WHAMM: variants seen among roughly 807,000 people sequenced by gnomAD.
WHAMM encodes WASP homolog associated with actin, golgi membranes and microtubules.
Under a neutral mutation model 76.5 loss-of-function variants are expected in WHAMM, and 67 were observed. The ratio of observed to expected loss-of-function variants is 0.88; its 90% CI spans 0.72 to 1.07. WHAMM has a LOEUF of 1.07. Ranked by LOEUF, WHAMM falls within the 50% of genes least tolerant of loss-of-function variation. The pLI, the probability that WHAMM is intolerant of heterozygous loss-of-function variation, is 0.00. For missense variants in WHAMM, 1,021 were observed against 1,051.1 expected (o/e 0.97, Z 0.40); for synonymous variants, 419 against 422.1 (o/e 0.99, Z 0.09).
intron 1 of WHAMM, among the ~76,000 whole-genome samples, chr15:82,812,635 C>T (rs768960793): frequency 6.6e-6 from 1 of 152,196 alleles, no homozygotes; most frequent in Admixed American, 6.5e-5. Flanking sequence ...CCTTTCGCTG[C>T]ATACTTAGTG....
rs2050590615 is a variant in WHAMM, at chr15:82,809,686, C to T, written c.-41C>T. 5 of 1,342,662 alleles carry T rather than the reference C, an allele frequency of 3.7e-6. No individual in the cohort carries two copies. The African/African-American group carries it at 4.6e-5, about 12-fold the overall frequency. 83.2% of individuals were successfully genotyped at this position (1,342,662 alleles called of 1,614,324 possible). Reference sequence around the variant, plus strand: ...TGACAGGCGGTGCGAGGAGGCCAGGCCCGCGCCCGCCGAGCCCTAGGGCCG... The same window carrying T: ...TGACAGGCGGTGCGAGGAGGCCAGGTCCGCGCCCGCCGAGCCCTAGGGCCG... On this transcript the variant is annotated 5_prime_UTR_variant, in exon 1 of 10. Transcript: ENST00000286760.
chr15:82,823,049 A>AT, intron 5 of WHAMM, 51 bp from the exon 6 acceptor site: 3 of 1,266,654 alleles, frequency 2.4e-6, no homozygotes, highest in Non-Finnish European at 3.0e-6. Flanking sequence ...AATTCAATGC[A>AT]TTTTTTAAAA....
At chr15:82,831,975 T>C (rs2151574879) in intron 9 of WHAMM, among the ~76,000 whole-genome samples, 1 of 152,382 alleles carries the variant, frequency 6.6e-6, no homozygotes, top group South Asian at 2.1e-4. Flanking sequence ...AGAGCTTCAC[T>C]GTACCTAGAA....
chr15:82,834,222 G>C lies in WHAMM; in HGVS notation c.*686G>C, dbSNP rs954052686. On this transcript the variant is annotated 3_prime_UTR_variant, in exon 10 of 10. Coordinates refer to ENST00000286760, the MANE Select transcript of WHAMM (RefSeq NM_001080435.3). ...TGGCTAATTTTTGTATATTTAAGTA[G>C]AGACAAGGTTTCGCTATGTTGGCCA... 6.6e-6 allele frequency: 1 copy of C among 152,364 alleles called. No individual in the cohort carries two copies. Among genetic ancestry groups the C allele is most frequent in the African/African-American group, 2.4e-5 (1 of 41,434 alleles). 9.4% of individuals were successfully genotyped at this position (152,364 alleles called of 1,614,324 possible). A position where few individuals can be genotyped will look rare whatever the true frequency, so the allele number is the denominator to read the frequency against.
chr15:82,810,038 C>CT lies in WHAMM; in HGVS notation c.314dup (p.Arg107AlafsTer67). 1 of 1,223,614 alleles carries CT rather than the reference C, an allele frequency of 8.2e-7. No individual in the cohort carries two copies. Among genetic ancestry groups the CT allele is most frequent in the Non-Finnish European group, 1.0e-6 (1 of 985,886 alleles). The allele number at this position is 1,223,614 out of a possible 1,614,324, so 75.8% of individuals were successfully genotyped here. ...CGCTGTGGCCGCCTCTGGAGCGCTGCTTCCCGCGGCTGCCGCCGGAGCTGG... is the reference window on the plus strand; with the variant it reads ...CGCTGTGGCCGCCTCTGGAGCGCTGCTTTCCCGCGGCTGCCGCCGGAGCTGG... On this transcript the variant is annotated frameshift_variant, in exon 1 of 10. Transcript: ENST00000286760. LOFTEE classifies it high-confidence loss of function.
chr15:82,809,945 C>T lies in WHAMM; in HGVS notation c.219C>T (p.Val73=). ...PEPEPKPEAA[V]SPSSWAGLLS... ...CCGAGCCCAAGCCTGAGGCCGCCGT[C>T]TCCCCGTCCAGCTGGGCCGGCCTGC... The change falls in exon 1 of 10, where the codon GTC becomes GTT. Residue 73 remains valine, a synonymous_variant. Coordinates refer to ENST00000286760, the MANE Select transcript of WHAMM (RefSeq NM_001080435.3). 5 of 1,415,278 alleles carry T rather than the reference C, an allele frequency of 3.5e-6. No homozygotes were observed. The highest frequency in any genetic ancestry group is 1.5e-5 in the African/African-American group (1 of 67,900). The allele number at this position is 1,415,278 out of a possible 1,614,324, so 87.7% of individuals were successfully genotyped here. A position where few individuals can be genotyped will look rare whatever the true frequency, so the allele number is the denominator to read the frequency against.
At chr15:82,822,593 G>A (rs1217347744) in intron 5 of WHAMM, among the ~76,000 whole-genome samples, 2 of 152,110 alleles carry the variant, frequency 1.3e-5, no homozygotes, top group Non-Finnish European at 2.9e-5. Flanking sequence ...ATGCGCCACT[G>A]TGCCTAACTA....
intron 1 of WHAMM, 145 bp from the exon 2 acceptor site, chr15:82,812,955 GGAT>G (rs2050655003): frequency 8.5e-6 from 5 of 586,870 alleles, no homozygotes; most frequent in East Asian, 6.4e-5. Context: ...TTTTGATGGA[GGAT>G]GATAACATTT....
intron 2 of WHAMM, 68 bp downstream of exon 2, chr15:82,813,344 C>T: frequency 7.9e-7 from 1 of 1,271,236 alleles, no homozygotes; most frequent in Non-Finnish European, 1.1e-6. Context: ...TTTATTTACA[C>T]TTAATGTTCA....
rs2050606478 is a variant in WHAMM, at chr15:82,810,338, A to AAGCGAGGCCCGGTC, written c.609+4_609+17dup. On this transcript the variant is annotated splice_donor_region_variant and intron_variant, in intron 1 of 9. Coordinates refer to ENST00000286760, the MANE Select transcript of WHAMM (RefSeq NM_001080435.3). ...AGGCGGACGCGCGGCTGCGCCAGGT[A>AAGCGAGGCCCGGTC]AGCGAGGCCCGGTCGCCGGCGTTCG... is the stretch of plus-strand genomic sequence containing the variant. 1 of 1,306,710 alleles carries AAGCGAGGCCCGGTC rather than the reference A, an allele frequency of 7.7e-7. No individual in the cohort carries two copies. The highest frequency in any genetic ancestry group is 1.6e-5 in the African/African-American group (1 of 64,352). The allele number at this position is 1,306,710 out of a possible 1,614,324, so 80.9% of individuals were successfully genotyped here.
intron 2 of WHAMM, among the ~76,000 whole-genome samples, chr15:82,815,979 A>G (rs1387435075): frequency 2.0e-5 from 3 of 152,210 alleles, no homozygotes; most frequent in Admixed American, 6.5e-5. Context: ...TCTGAGATCA[A>G]GGTGCTCACA....
chr15:82,823,022 T>C, intron 5 of WHAMM, 78 bp from the exon 6 acceptor site: 2 of 1,200,534 alleles, frequency 1.7e-6, no homozygotes, highest in Non-Finnish European at 2.2e-6. Context: ...GATCTTTATT[T>C]TTCTTACATT....
At chr15:82,814,766 CTTTT>C (rs773443880) in intron 2 of WHAMM, among the ~76,000 whole-genome samples, 1 of 94,768 alleles carries the variant, frequency 1.1e-5, no homozygotes, top group Non-Finnish European at 2.0e-5. Flanking sequence ...TTTTTCCTTT[CTTTT>C]TTTTTTTTTT....
chr15:82,832,008 A>G (rs1337607003), intron 9 of WHAMM, among the ~76,000 whole-genome samples: 2 of 152,198 alleles, frequency 1.3e-5, no homozygotes, highest in Admixed American at 1.3e-4. Flanking sequence ...GAAAATGTTC[A>G]TATATTAGGT....
chr15:82,821,577 G>A (rs987030908), intron 5 of WHAMM, among the ~76,000 whole-genome samples: 3 of 152,124 alleles, frequency 2.0e-5, no homozygotes, highest in Non-Finnish European at 4.4e-5. Flanking sequence ...GTTTGTGAGT[G>A]GCTTCTGCTG....
intron 9 of WHAMM, 109 bp downstream of exon 9, chr15:82,831,188 A>C (rs1214351408): frequency 6.7e-7 from 1 of 1,499,634 alleles, no homozygotes; most frequent in Non-Finnish European, 8.8e-7. Context: ...ATAATTCTCT[A>C]TAGCCTTAAA....
Position 82,823,189 on chromosome 15 carries a change from A to G in WHAMM, c.1360A>G (p.Lys454Glu). ...IDCVVGLQDD[K>E]NLEVKELRRQ... ...CTGTGTGGTGGGGCTGCAGGATGAT[A>G]AGAATTTGGAAGTGAAAGAACTCAG... The change falls in exon 6 of 10, where the codon AAG (lysine) becomes GAG (glutamate). Residue 454 changes from lysine to glutamate, a missense_variant. Lys to Glu is a moderately conservative substitution (Grantham distance 56, BLOSUM62 1). Around this residue, in one of 3 missense-constraint regions of WHAMM, gnomAD observed 509 missense variants for 492.3 expected, o/e 1.03. Coordinates refer to ENST00000286760, the MANE Select transcript of WHAMM (RefSeq NM_001080435.3). 1 of 1,583,896 alleles carries G rather than the reference A, an allele frequency of 6.3e-7. No homozygotes were observed. The highest frequency in any genetic ancestry group is 8.6e-7 in the Non-Finnish European group (1 of 1,162,274).
Position 82,823,174 on chromosome 15 carries a change from G to A in WHAMM, c.1345G>A (p.Gly449Arg). 1.3e-6 allele frequency: 2 copies of A among 1,571,882 alleles called. No homozygotes were observed. Among genetic ancestry groups the A allele is most frequent in the South Asian group, 2.4e-5 (2 of 83,926 alleles). ...EELKVIDCVV[G>R]LQDDKNLEVK... ...ACTTAAAGTCATTGACTGTGTGGTG[G>A]GGCTGCAGGATGATAAGAATTTGGA... Residue 449 changes from glycine (G) to arginine (R), a missense_variant, in exon 6 of 10, where the codon GGG (glycine) becomes AGG (arginine). By Grantham distance (125) the Gly-to-Arg change is moderately radical. Transcript: ENST00000286760.
chr15:82,821,507 A>C (rs975126119), intron 5 of WHAMM, among the ~76,000 whole-genome samples: 12 of 152,286 alleles, frequency 7.9e-5, no homozygotes, highest in African/African-American at 2.9e-4. Context: ...AATGTTTAAC[A>C]TTTCTCAAGT....
Sources: gnomAD v4.1 joint callset for allele counts (sites outside exome capture counted in the v4.1 genomes callset) on GRCh38, gnomAD v4.1.1 for gene constraint, gnomAD v4.1.1 regional missense constraint, MANE v1.5 for transcripts, NCBI Gene and HGNC (gene_info 2026-07-23, HGNC 2026-07-21) for gene names.